GABRG1: variants seen among roughly 807,000 people sequenced by gnomAD.
GABRG1 encodes gamma-aminobutyric acid type A receptor subunit gamma1.
A neutral mutation model predicts 49.8 loss-of-function variants in GABRG1; 49 were observed. The observed-to-expected ratio is 0.98, with a 90% CI of 0.78 to 1.25. GABRG1 has a LOEUF of 1.25. GABRG1 is among the 50% of genes most tolerant of loss of function. GABRG1 has a pLI of 0.00. For synonymous variants in GABRG1, 232 were observed against 185.1 expected (o/e 1.25, Z -2.06); for missense variants, 552 against 552.3 (o/e 1.00, Z 0.01).
chr4:46,083,365 T>A (rs891891599), intron 3 of GABRG1, among the ~76,000 whole-genome samples: 1 of 151,690 alleles, frequency 6.6e-6, no homozygotes, highest in Non-Finnish European at 1.5e-5. Context: ...AAGAGAGATG[T>A]ATTTAAAAAT....
chr4:46,050,017 T>A (rs1577631384), intron 8 of GABRG1, among the ~76,000 whole-genome samples: 1 of 151,926 alleles, frequency 6.6e-6, no homozygotes, highest in East Asian at 1.9e-4. Flanking sequence ...AAGGCAATAA[T>A]CCAACATAGA....
intron 1 of GABRG1, among the ~76,000 whole-genome samples, chr4:46,112,324 C>T (rs932116302): frequency 6.6e-6 from 1 of 150,800 alleles, no homozygotes; most frequent in Non-Finnish European, 1.5e-5. Flanking sequence ...TATTGAAAAG[C>T]CAAAAAGCAA....
intron 1 of GABRG1, among the ~76,000 whole-genome samples, chr4:46,106,287 C>A (rs1720544235): frequency 6.6e-6 from 1 of 151,416 alleles, no homozygotes; most frequent in South Asian, 2.1e-4. Context: ...GTCACCAAGA[C>A]TGCCCCATCC....
chr4:46,120,895 C>A (rs988123478), intron 1 of GABRG1, among the ~76,000 whole-genome samples: 3 of 151,620 alleles, frequency 2.0e-5, no homozygotes, highest in African/African-American at 7.3e-5. Context: ...GCTAAAATAT[C>A]TTTTTAAATT....
intron 7 of GABRG1, 118 bp from the exon 8 acceptor site, chr4:46,051,756 G>A (rs1718233500): frequency 1.7e-6 from 1 of 586,668 alleles, no homozygotes. Flanking sequence ...ATGATTACTA[G>A]TAATTTATAT....
intron 1 of GABRG1, 65 bp from the exon 2 acceptor site, chr4:46,097,414 T>C: frequency 6.9e-7 from 1 of 1,452,446 alleles, no homozygotes; most frequent in Non-Finnish European, 9.3e-7. Flanking sequence ...AAAAGTATAG[T>C]TTAAGTATGT....
intron 3 of GABRG1, among the ~76,000 whole-genome samples, chr4:46,076,548 C>T (rs550492493): frequency 2.0e-4 from 30 of 151,258 alleles, no homozygotes; most frequent in African/African-American, 7.0e-4. Context: ...GCTATAACAT[C>T]TGAGATTTGG....
intron 1 of GABRG1, among the ~76,000 whole-genome samples, chr4:46,102,995 C>T (rs916027007): frequency 6.7e-6 from 1 of 150,020 alleles, no homozygotes; most frequent in Non-Finnish European, 1.5e-5. Context: ...TCTTGGTTTA[C>T]ACCTGTTGCC....
chr4:46,122,573 C>T (rs1399367416), intron 1 of GABRG1, among the ~76,000 whole-genome samples: 6 of 151,942 alleles, frequency 3.9e-5, no homozygotes, highest in Non-Finnish European at 8.8e-5. Context: ...TACAAAAGCA[C>T]TAACTGTCAA....
At chr4:46,076,449 T>C (rs1719336137) in intron 3 of GABRG1, among the ~76,000 whole-genome samples, 1 of 146,710 alleles carries the variant, frequency 6.8e-6, no homozygotes, top group Admixed American at 6.9e-5. Context: ...ATGTGTGTTT[T>C]TATTATTAGC....
chr4:46,044,073 T>C (rs919968374), intron 8 of GABRG1, among the ~76,000 whole-genome samples: 3 of 152,082 alleles, frequency 2.0e-5, no homozygotes, highest in Non-Finnish European at 2.9e-5. Flanking sequence ...ATTTAAAATA[T>C]TGCATGAGAA....
intron 3 of GABRG1, among the ~76,000 whole-genome samples, chr4:46,065,991 G>T (rs1577643604): frequency 6.6e-6 from 1 of 152,208 alleles, no homozygotes; most frequent in East Asian, 1.9e-4. Flanking sequence ...CAAAGTGCTG[G>T]GATTACAGGC....
Position 46,058,381 on chromosome 4 carries a change from A to T in GABRG1, c.764-12T>A. ...GATAACATAATCCCCTGTAAGAAAA[A>T]AAAGTTTTATTTTGGCTATATAATA... On this transcript the variant is annotated splice_polypyrimidine_tract_variant and intron_variant, in intron 6 of 8. Coordinates refer to ENST00000295452, the MANE Select transcript of GABRG1 (RefSeq NM_173536.4). The T allele has an allele frequency of 6.3e-7, 1 of 1,599,636 alleles. No individual in the cohort carries two copies. The highest frequency in any genetic ancestry group is 8.5e-7 in the Non-Finnish European group (1 of 1,174,990).
intron 3 of GABRG1, among the ~76,000 whole-genome samples, chr4:46,071,364 A>C (rs1444498448): frequency 6.6e-6 from 1 of 150,746 alleles, no homozygotes; most frequent in Non-Finnish European, 1.5e-5. Flanking sequence ...TATATATGTT[A>C]ACTGTAAAAT....
rs1717688146 is a variant in GABRG1, at chr4:46,039,851, C to T, written c.*1137G>A. 1 of 150,516 alleles carries T rather than the reference C, an allele frequency of 6.6e-6. No individual in the cohort carries two copies. 9.3% of individuals were successfully genotyped at this position (150,516 alleles called of 1,614,324 possible). On this transcript the variant is annotated 3_prime_UTR_variant, in exon 9 of 9. Transcript: ENST00000295452. ...ATGATTTTGAGGCTGCCCCCAGTTTCTAGAAAAAAAAAAGAATATTATAAT... is the reference window on the plus strand; with the variant it reads ...ATGATTTTGAGGCTGCCCCCAGTTTTTAGAAAAAAAAAAGAATATTATAAT...
chr4:46,077,514 T>A (rs1362798169), intron 3 of GABRG1, among the ~76,000 whole-genome samples: 1 of 151,996 alleles, frequency 6.6e-6, no homozygotes, highest in African/African-American at 2.4e-5. Flanking sequence ...TGGTTGAGTA[T>A]GTATTTCTTT....
intron 8 of GABRG1, among the ~76,000 whole-genome samples, chr4:46,043,912 A>G (rs1316863079): frequency 6.6e-6 from 1 of 151,968 alleles, no homozygotes; most frequent in East Asian, 1.9e-4. Context: ...GAAGTGATAA[A>G]TAAATCAGTA....
chr4:46,072,854 C>T (rs1045993454), intron 3 of GABRG1, among the ~76,000 whole-genome samples: 3 of 149,240 alleles, frequency 2.0e-5, no homozygotes, highest in African/African-American at 7.7e-5. Context: ...GTTTTTTAAA[C>T]CTATTTTAAA....
At chr4:46,083,728 C>T (rs189747695) in intron 3 of GABRG1, among the ~76,000 whole-genome samples, 1 of 151,502 alleles carries the variant, frequency 6.6e-6, no homozygotes, top group South Asian at 2.1e-4. Flanking sequence ...GGGACCTCTT[C>T]TTGGTGGATC....
Sources: allele counts gnomAD v4.1 joint callset (sites outside exome capture counted in the v4.1 genomes callset), GRCh38; gene constraint gnomAD v4.1.1; transcripts MANE v1.5; gene names NCBI Gene and HGNC (gene_info 2026-07-23, HGNC 2026-07-21).